The following LYRM4 variants were observed in gnomAD, a reference collection of about 807,000 sequenced individuals.
The protein encoded by LYRM4 is LYR motif containing 4.
LYRM4 carries 9 observed loss-of-function variants against 11.7 expected under a neutral mutation model. That is an observed-to-expected ratio of 0.77 (90% CI 0.46 to 1.34). The LOEUF (loss-of-function observed/expected upper bound fraction) is 1.34, where lower values mean the gene tolerates loss of function less well. Among genes scored for constraint, LYRM4 ranks in the 40% most tolerant of loss-of-function variants. LYRM4 has a pLI of 0.00. For synonymous variants in LYRM4, 42 were observed against 40.4 expected (o/e 1.04, Z -0.15); for missense variants, 133 against 112.5 (o/e 1.18, Z -0.82).
Position 5,128,390 on chromosome 6 carries a change from A to G in LYRM4, c.208-18899T>C, listed in dbSNP as rs563024422. Reference sequence around the variant, plus strand: ...AAGAATGCCCTGTGGCCTCGTAGATACAAATTGCGTCCCTAGCTCACCCCT... The same window carrying G: ...AAGAATGCCCTGTGGCCTCGTAGATGCAAATTGCGTCCCTAGCTCACCCCT... On this transcript the variant is annotated intron_variant, in intron 2 of 2. Coordinates refer to ENST00000330636, the MANE Select transcript of LYRM4 (RefSeq NM_020408.6). 6.1e-4 allele frequency among the ~76,000 whole-genome samples: 93 copies of G among 152,314 alleles called. 1 individual carries two copies. Among genetic ancestry groups the G allele is most frequent in the Admixed American group, 3.5e-3 (54 of 15,302 alleles).
At chr6:5,195,645 A>G (rs1761009720) in intron 2 of LYRM4, among the ~76,000 whole-genome samples, 1 of 152,056 alleles carries the variant, frequency 6.6e-6, no homozygotes, top group Non-Finnish European at 1.5e-5. Context: ...CATCAAAACA[A>G]AACAAAACAA....
intron 2 of LYRM4, among the ~76,000 whole-genome samples, chr6:5,150,420 T>C (rs1460661721): frequency 1.3e-5 from 2 of 152,184 alleles, no homozygotes; most frequent in Non-Finnish European, 2.9e-5. Context: ...AGCTTGGCCA[T>C]GTATTAGTTC....
intron 2 of LYRM4, among the ~76,000 whole-genome samples, chr6:5,154,785 C>T (rs754091136): frequency 6.6e-6 from 1 of 151,986 alleles, no homozygotes; most frequent in Non-Finnish European, 1.5e-5. Flanking sequence ...CGCCACTGCA[C>T]TCCAGCCTGG....
At chr6:5,113,913 G>A (rs1763001924) in intron 2 of LYRM4, among the ~76,000 whole-genome samples, 1 of 152,136 alleles carries the variant, frequency 6.6e-6, no homozygotes, top group South Asian at 2.1e-4. Context: ...CTATAACTAT[G>A]AGCCTACGTT....
Position 5,162,092 on chromosome 6 carries a change from C to T in LYRM4, c.208-52601G>A, listed in dbSNP as rs191462247. The stretch of plus-strand genomic sequence containing the variant: ...AGTCATGTAGCCTAACAGGGTTGCT[C>T]AGGAGGGTGAGCATGGCATTTCAGC... On this transcript the variant is annotated intron_variant, in intron 2 of 2. Transcript: ENST00000330636. 3.5e-3 allele frequency among the ~76,000 whole-genome samples: 530 copies of T among 152,278 alleles called. 3 individuals are homozygous for T. Among genetic ancestry groups the T allele is most frequent in the South Asian group, 1.0e-2 (48 of 4,818 alleles).
chr6:5,260,892 G>A lies in LYRM4; in HGVS notation c.-159C>T. ...CCTAAGCCTAAGCGGGCAGCCCTGCGGATCGCGGACGGCGCCAGGCGTCCC... is the reference window on the plus strand; with the variant it reads ...CCTAAGCCTAAGCGGGCAGCCCTGCAGATCGCGGACGGCGCCAGGCGTCCC... On this transcript the variant is annotated 5_prime_UTR_variant, in exon 1 of 3. Transcript: ENST00000330636. 1 of 1,403,566 alleles carries A rather than the reference G, an allele frequency of 7.1e-7. No individual in the cohort carries two copies. The highest frequency in any genetic ancestry group is 9.2e-7 in the Non-Finnish European group (1 of 1,085,164). The allele number at this position is 1,403,566 out of a possible 1,614,324, so 86.9% of individuals were successfully genotyped here.
chr6:5,058,760 C>G, the LYRM4 span, among the ~76,000 whole-genome samples: 1 of 152,130 alleles, frequency 6.6e-6, no homozygotes, highest in Non-Finnish European at 1.5e-5. Flanking sequence ...TGTGTCTCCC[C>G]ACTATTTTTA....
At chr6:5,139,209 G>C (rs954459784) in intron 2 of LYRM4, among the ~76,000 whole-genome samples, 1 of 152,218 alleles carries the variant, frequency 6.6e-6, no homozygotes, top group Non-Finnish European at 1.5e-5. Context: ...GGCAAAGCAG[G>C]CCTGCCAGCC....
intron 1 of LYRM4, among the ~76,000 whole-genome samples, chr6:5,237,563 G>A (rs181098267): frequency 1.3e-5 from 2 of 152,106 alleles, no homozygotes; most frequent in African/African-American, 4.8e-5. Flanking sequence ...ACCCCAGTCC[G>A]TGGAATAATT....
intron 1 of LYRM4, among the ~76,000 whole-genome samples, chr6:5,232,877 A>C (rs974476618): frequency 6.6e-6 from 1 of 152,244 alleles, no homozygotes; most frequent in Non-Finnish European, 1.5e-5. Context: ...CAGAATCAAC[A>C]AACAGCAGCT....
chr6:5,149,972 CAA>C (rs541997315), intron 2 of LYRM4, among the ~76,000 whole-genome samples: 1 of 152,200 alleles, frequency 6.6e-6, no homozygotes, highest in Non-Finnish European at 1.5e-5. Flanking sequence ...ATAAATGTAA[CAA>C]AGGGCAAACG....
the LYRM4 span, among the ~76,000 whole-genome samples, chr6:5,059,485 C>T: frequency 6.6e-6 from 1 of 152,048 alleles, no homozygotes; most frequent in East Asian, 1.9e-4. Context: ...TGTTTCATAT[C>T]CGCCCAAGAA....
the LYRM4 span, among the ~76,000 whole-genome samples, chr6:5,035,659 CCTCCCT>C: frequency 0.043 from 2 of 46 alleles, no homozygotes; most frequent in Admixed American, 0.1. Context: ...CCCTCCCTCC[CCTCCCT>C]TCCCCTCCTC....
intron 1 of LYRM4, among the ~76,000 whole-genome samples, chr6:5,225,038 C>A (rs1056974858): frequency 6.6e-6 from 1 of 151,918 alleles, no homozygotes; most frequent in Non-Finnish European, 1.5e-5. Context: ...CACCTGAGGT[C>A]GGGAGTTTGA....
At chr6:5,133,930 T>G (rs1416285310) in intron 2 of LYRM4, among the ~76,000 whole-genome samples, 1 of 152,250 alleles carries the variant, frequency 6.6e-6, no homozygotes, top group Non-Finnish European at 1.5e-5. Flanking sequence ...TAAACACGCA[T>G]GAGTACTTTG....
chr6:5,101,968 C>CTTTCTTTTTTTTTTTTTTTT (rs1554124642), downstream of LYRM4, among the ~76,000 whole-genome samples: 3 of 67,988 alleles, frequency 4.4e-5, no homozygotes, highest in East Asian at 1.9e-3. Flanking sequence ...CTAATGCTTT[C>CTTTCTTTTTTTTTTTTTTTT]TTTTTTTTTT....
chr6:5,231,865 C>A (rs1763261753), intron 1 of LYRM4, among the ~76,000 whole-genome samples: 1 of 152,190 alleles, frequency 6.6e-6, no homozygotes, highest in African/African-American at 2.4e-5. Context: ...CCAAGTAGGT[C>A]AAAATATTTC....
chr6:5,138,474 G>A (rs1023694062), intron 2 of LYRM4, among the ~76,000 whole-genome samples: 1 of 108,664 alleles, frequency 9.2e-6, no homozygotes, highest in Admixed American at 1.2e-4. Context: ...CCAACAGAGT[G>A]AGACCCTGTC....
intron 1 of LYRM4, among the ~76,000 whole-genome samples, chr6:5,246,451 T>C (rs1245748081): frequency 6.6e-6 from 1 of 152,194 alleles, no homozygotes; most frequent in Non-Finnish European, 1.5e-5. Flanking sequence ...GAGAAACCAC[T>C]GAACTTCCTC....
Sources: allele counts gnomAD v4.1 joint callset (sites outside exome capture counted in the v4.1 genomes callset), GRCh38; gene constraint gnomAD v4.1.1; transcripts MANE v1.5; gene names NCBI Gene and HGNC (gene_info 2026-07-23, HGNC 2026-07-21).